Variants in HS3ST4 observed in about 807,000 individuals in gnomAD.
HS3ST4 encodes the protein heparan sulfate-glucosamine 3-sulfotransferase 4, also known as heparan sulfate glucosamine 3-O-sulfotransferase 4.
In HS3ST4, 17 loss-of-function variants were observed where a neutral mutation model predicts 29.2. The ratio of observed to expected loss-of-function variants is 0.58; its 90% CI spans 0.40 to 0.87. HS3ST4 has a LOEUF of 0.87. HS3ST4 is among the 40% of genes least tolerant of loss of function. The probability of loss-of-function intolerance (pLI) is 0.00; values close to 1 mark genes in which losing one functional copy is unlikely to be tolerated. For missense variants in HS3ST4, 627 were observed against 634.5 expected (o/e 0.99, Z 0.13); for synonymous variants, 314 against 285.7 (o/e 1.10, Z -1.00).
At chr16:25,781,865 AT>A (rs1192817732) in intron 1 of HS3ST4, among the ~76,000 whole-genome samples, 1 of 152,150 alleles carries the variant, frequency 6.6e-6, no homozygotes, top group African/African-American at 2.4e-5. Flanking sequence ...AGTCATCTTC[AT>A]TGAGTGTTTC....
chr16:25,898,665 G>A (rs1410845455), intron 1 of HS3ST4, among the ~76,000 whole-genome samples: 1 of 152,192 alleles, frequency 6.6e-6, no homozygotes, highest in Non-Finnish European at 1.5e-5. Context: ...GTCACCGGAA[G>A]CATGAATATG....
chr16:26,064,610 C>CTTTTTT (rs869047078), intron 1 of HS3ST4, among the ~76,000 whole-genome samples: 2 of 88,962 alleles, frequency 2.2e-5, no homozygotes, highest in African/African-American at 4.4e-5. Context: ...GGATTGTAGT[C>CTTTTTT]TTTTTTTTTT....
chr16:26,004,513 A>T (rs1185998679), intron 1 of HS3ST4, among the ~76,000 whole-genome samples: 3 of 152,218 alleles, frequency 2.0e-5, no homozygotes, highest in Non-Finnish European at 4.4e-5. Context: ...GGAAAAACAT[A>T]ACACAAGAAG....
intron 1 of HS3ST4, among the ~76,000 whole-genome samples, chr16:26,042,987 C>T (rs1165416638): frequency 6.6e-6 from 1 of 152,156 alleles, no homozygotes; most frequent in Non-Finnish European, 1.5e-5. Context: ...CTAACACCCC[C>T]CAATTTCACT....
intron 1 of HS3ST4, among the ~76,000 whole-genome samples, chr16:26,109,873 T>C (rs915687617): frequency 6.6e-5 from 10 of 152,222 alleles, no homozygotes; most frequent in African/African-American, 2.2e-4. Flanking sequence ...CAAATTAACA[T>C]ATCAATCACA....
chr16:26,083,431 G>T (rs1243637378), intron 1 of HS3ST4, among the ~76,000 whole-genome samples: 2 of 152,038 alleles, frequency 1.3e-5, no homozygotes, highest in South Asian at 2.1e-4. Flanking sequence ...TTTATCAAAG[G>T]CATCTGAAGC....
intron 1 of HS3ST4, among the ~76,000 whole-genome samples, chr16:26,051,790 C>G (rs1476069866): frequency 6.6e-6 from 1 of 151,024 alleles, no homozygotes; most frequent in Admixed American, 6.6e-5. Context: ...CTTTCTTTCT[C>G]TCTTTCTTTT....
chr16:25,854,881 C>G (rs1476632501), intron 1 of HS3ST4, among the ~76,000 whole-genome samples: 2 of 152,026 alleles, frequency 1.3e-5, no homozygotes, highest in Non-Finnish European at 2.9e-5. Flanking sequence ...TGTGTTGGGC[C>G]ACATTCAAAG....
In HS3ST4 at chr16:25,883,145, ATT is replaced by A. The variant is rs10581302; in HGVS notation, c.734+190015_734+190016del. The stretch of plus-strand genomic sequence containing the variant: ...CTGCTGCTTCTCTCTGGCCCATACG[ATT>A]TTTTTTTTTTTTTTTTTTTTCAGAC... On this transcript the variant is annotated intron_variant, in intron 1 of 1. Coordinates refer to ENST00000331351, the MANE Select transcript of HS3ST4 (RefSeq NM_006040.3). Among the ~76,000 whole-genome samples, 852 of 141,924 alleles carry A rather than the reference ATT, an allele frequency of 6.0e-3. 3 individuals are homozygous for A. The highest frequency in any genetic ancestry group is 8.3e-3 in the Non-Finnish European group (540 of 65,088). 93.1% of individuals were successfully genotyped at this position (141,924 alleles called of 152,430 possible).
At chr16:26,041,246 G>A (rs140234641) in intron 1 of HS3ST4, among the ~76,000 whole-genome samples, 2 of 152,282 alleles carry the variant, frequency 1.3e-5, no homozygotes, top group Non-Finnish European at 2.9e-5. Flanking sequence ...GGAGGCTGAG[G>A]TGGGAGGATC....
At chr16:26,104,203 T>C (rs1208287422) in intron 1 of HS3ST4, among the ~76,000 whole-genome samples, 1 of 152,212 alleles carries the variant, frequency 6.6e-6, no homozygotes, top group Non-Finnish European at 1.5e-5. Context: ...CCTCTGGTAC[T>C]ACTAACCAGT....
chr16:25,735,120 A>G (rs1004280049), intron 1 of HS3ST4, among the ~76,000 whole-genome samples: 1 of 152,172 alleles, frequency 6.6e-6, no homozygotes, highest in Non-Finnish European at 1.5e-5. Flanking sequence ...ACTGCCTTCA[A>G]CCCTTGGGTA....
At chr16:25,847,491 T>C (rs1437489221) in intron 1 of HS3ST4, among the ~76,000 whole-genome samples, 2 of 152,222 alleles carry the variant, frequency 1.3e-5, no homozygotes, top group Non-Finnish European at 2.9e-5. Context: ...TTTGTTTGTT[T>C]TTGACTTGGT....
chr16:25,852,783 C>T (rs185626394), intron 1 of HS3ST4, among the ~76,000 whole-genome samples: 7 of 152,188 alleles, frequency 4.6e-5, no homozygotes, highest in African/African-American at 1.7e-4. Flanking sequence ...CTTCATATTT[C>T]ATCATTCTAA....
chr16:25,694,366 T>G (rs1966278012), intron 1 of HS3ST4, among the ~76,000 whole-genome samples: 1 of 152,258 alleles, frequency 6.6e-6, no homozygotes, highest in African/African-American at 2.4e-5. Flanking sequence ...TTTCTTCCAC[T>G]TTTAAAAATA....
intron 1 of HS3ST4, among the ~76,000 whole-genome samples, chr16:25,976,857 G>A (rs62034468): frequency 7.2e-5 from 11 of 152,162 alleles, no homozygotes; most frequent in Admixed American, 3.3e-4. Flanking sequence ...AGTGGTAGAC[G>A]GCATGTAAAT....
intron 1 of HS3ST4, among the ~76,000 whole-genome samples, chr16:25,935,068 C>T (rs979221719): frequency 6.6e-6 from 1 of 152,080 alleles, no homozygotes; most frequent in African/African-American, 2.4e-5. Context: ...TGGCATTTCC[C>T]CTGCTTGCTT....
chr16:25,995,098 A>C (rs573384237), intron 1 of HS3ST4, among the ~76,000 whole-genome samples: 73 of 152,336 alleles, frequency 4.8e-4, no homozygotes, highest in African/African-American at 1.7e-3. Context: ...GTCAGGAATC[A>C]CAGCAGGTTC....
At chr16:25,832,529 G>T (rs1357112977) in intron 1 of HS3ST4, among the ~76,000 whole-genome samples, 1 of 152,144 alleles carries the variant, frequency 6.6e-6, no homozygotes, top group Non-Finnish European at 1.5e-5. Context: ...AATGTGATTT[G>T]CATTGCATAA....
Sources: allele counts gnomAD v4.1 joint callset (sites outside exome capture counted in the v4.1 genomes callset), GRCh38; gene constraint gnomAD v4.1.1; transcripts MANE v1.5; gene names NCBI Gene and HGNC (gene_info 2026-07-23, HGNC 2026-07-21).